The following ADGRB1 variants were observed in gnomAD, a reference collection of about 807,000 sequenced individuals.
The protein encoded by ADGRB1 is adhesion G protein-coupled receptor B1.
A neutral mutation model predicts 175.7 loss-of-function variants in ADGRB1; 36 were observed. The observed-to-expected ratio is 0.20, with a 90% CI of 0.16 to 0.27. ADGRB1 has a LOEUF of 0.27. Ranked by LOEUF, ADGRB1 falls within the 10% of genes least tolerant of loss-of-function variation. The pLI is 1.00. For missense variants in ADGRB1, 1,731 were observed against 2,255.3 expected (o/e 0.77, Z 4.71); for synonymous variants, 1,054 against 979.4 (o/e 1.08, Z -1.42).
rs1197426358 is a variant in ADGRB1, at chr8:142,514,083, G to A, written c.2817+3010G>A. Reference sequence around the variant, plus strand: ...GAGCCTGGCTGGGCAGGGAGAGAGAGGGGTGCTGCCTAGCTTAGCCTGGCT... The same window carrying A: ...GAGCCTGGCTGGGCAGGGAGAGAGAAGGGTGCTGCCTAGCTTAGCCTGGCT... On this transcript the variant is annotated intron_variant, in intron 18 of 30. Transcript: ENST00000517894. Among the ~76,000 whole-genome samples the A allele has an allele frequency of 3.3e-5, 5 of 152,070 alleles. No individual in the cohort carries two copies. In the East Asian group the frequency reaches 7.7e-4, roughly 23 times the overall value.
In ADGRB1 at chr8:142,543,760, C is replaced by G. The variant is rs1450968245; in HGVS notation, c.4557+52C>G. ...GGGGAGAGCCCTTAGGTCAGGCCAC[C>G]GTCTCCCTTCTTCCCTGGATTTGTG... On this transcript the variant is annotated intron_variant, in intron 30 of 30. Coordinates refer to ENST00000517894, the MANE Select transcript of ADGRB1 (RefSeq NM_001702.3). This position sits in a 1 kb window ranked among gnomAD's most constrained non-coding sequence, Gnocchi z 4.4. 2 of 1,462,568 alleles carry G rather than the reference C, an allele frequency of 1.4e-6. No homozygotes were observed. Among genetic ancestry groups the G allele is most frequent in the Middle Eastern group, 3.6e-4 (2 of 5,584 alleles). 90.6% of individuals were successfully genotyped at this position (1,462,568 alleles called of 1,614,324 possible).
At chr8:142,472,126 AC>A (rs1202346618) in intron 2 of ADGRB1, among the ~76,000 whole-genome samples, 1 of 152,210 alleles carries the variant, frequency 6.6e-6, no homozygotes, top group Non-Finnish European at 1.5e-5. Context: ...CCTCCAGAGA[AC>A]AGCCCGGAAG....
At chr8:142,507,846 G>T (rs911947295) in intron 17 of ADGRB1, among the ~76,000 whole-genome samples, 1 of 152,182 alleles carries the variant, frequency 6.6e-6, no homozygotes, top group Non-Finnish European at 1.5e-5. Flanking sequence ...ACAGGGAAAA[G>T]CGGTCTGCAG....
At position 142,542,613 on chromosome 8, in the gene ADGRB1, A is replaced by C. The variant is rs1845346319; in HGVS notation, c.4379A>C (p.Glu1460Ala). Residue 1460 changes from glutamate to alanine, a missense_variant, in exon 28 of 31, where the codon GAG (glutamate) becomes GCG (alanine). By Grantham distance (107) the Glu-to-Ala change is moderately radical (BLOSUM62 -1). This residue lies in a region of ADGRB1 where 394 missense variants were observed against 410.2 expected (regional missense o/e 0.96). Transcript: ENST00000517894. This position sits in a 1 kb window ranked among gnomAD's most constrained non-coding sequence, Gnocchi z 6.3. ...GPSTGPSTKN[E>A]NVATLSVSSL... ...AGCACGGGGCCCAGCACCAAGAACG[A>C]GAATGTCGCCACCTTGTCTGTGAGC... 6.4e-7 allele frequency: 1 copy of C among 1,551,474 alleles called. No individual in the cohort carries two copies. The highest frequency in any genetic ancestry group is 1.9e-5 in the Admixed American group (1 of 51,650).
At position 142,526,581 on chromosome 8, in the gene ADGRB1, G is replaced by A. The variant is rs781741541; in HGVS notation, c.3352G>A (p.Val1118Met). ...VIGILVFNKL[V>M]SKDGITDKKL... Reference sequence around the variant, plus strand: ...TGGGATCCTGGTGTTCAACAAGCTCGTGTCCAAAGACGGCATCACGGACAA... The same window carrying A: ...TGGGATCCTGGTGTTCAACAAGCTCATGTCCAAAGACGGCATCACGGACAA... The change falls in exon 24 of 31, where the codon GTG (valine) becomes ATG (methionine). Residue 1118 changes from valine (V) to methionine (M), a missense_variant. Coordinates refer to ENST00000517894, the MANE Select transcript of ADGRB1 (RefSeq NM_001702.3). 9 of 1,597,170 alleles carry A rather than the reference G, an allele frequency of 5.6e-6. No homozygotes were observed. Among genetic ancestry groups the A allele is most frequent in the South Asian group, 1.1e-5 (1 of 90,304 alleles).
At chr8:142,519,920 TGTG>T (rs1230218404) in intron 19 of ADGRB1, among the ~76,000 whole-genome samples, 19 of 131,932 alleles carry the variant, frequency 1.4e-4, no homozygotes, top group East Asian at 1.3e-3. Context: ...TGCTGGTGAT[TGTG>T]GTGGTGGTGG....
intron 18 of ADGRB1, among the ~76,000 whole-genome samples, chr8:142,512,769 C>A (rs1843173301): frequency 6.6e-6 from 1 of 152,218 alleles, no homozygotes; most frequent in Non-Finnish European, 1.5e-5. Context: ...GGTGGCATAC[C>A]AGCCAGTCAC....
rs766099989 is a variant in ADGRB1 at position 142,522,000 on chromosome 8, C to T, written c.3060C>T (p.Phe1020=). 12 of 1,608,782 alleles carry T rather than the reference C, an allele frequency of 7.5e-6. No individual in the cohort carries two copies. The highest frequency in any genetic ancestry group is 1.0e-5 in the Non-Finnish European group (12 of 1,178,132). The part of the protein sequence containing the change: ...VCTLVAAFLH[F]FFLSSFCWVL... ...CGCTGGTGGCCGCCTTCCTGCACTT[C>T]TTCTTCCTGTCCTCCTTCTGCTGGG... is the stretch of plus-strand genomic sequence containing the variant. The change falls in exon 21 of 31, where the codon TTC becomes TTT. Residue 1020 remains phenylalanine, a synonymous_variant. Transcript: ENST00000517894.
At chr8:142,497,024 C>G (rs1842248046) in intron 17 of ADGRB1, among the ~76,000 whole-genome samples, 2 of 152,244 alleles carry the variant, frequency 1.3e-5, no homozygotes, top group Admixed American at 6.5e-5. Flanking sequence ...TTGCTGGACT[C>G]CTTTCCTGAA....
At chr8:142,522,856 GC>G (rs1156739531) in intron 22 of ADGRB1, 146 bp downstream of exon 22, 30 of 939,064 alleles carry the variant, frequency 3.2e-5, no homozygotes, top group Non-Finnish European at 4.1e-5. Flanking sequence ...GGCCCCAGGG[GC>G]TGGAGGCTGA....
At chr8:142,491,886 CAG>C (rs981196636) in intron 17 of ADGRB1, among the ~76,000 whole-genome samples, 4 of 152,156 alleles carry the variant, frequency 2.6e-5, no homozygotes, top group Admixed American at 2.6e-4. Flanking sequence ...GGCTGCCTGA[CAG>C]GGAGAGGGAG....
rs1842595884 is a variant in ADGRB1 at position 142,502,068 on chromosome 8, A to T, written c.2676-8864A>T. On this transcript the variant is annotated intron_variant, in intron 17 of 30. Transcript: ENST00000517894. ...GGTGATGGTGGTCGGGGTGGGGGTGATGATGGGGTTGTGGTAGTAATGGTT... is the reference window on the plus strand; with the variant it reads ...GGTGATGGTGGTCGGGGTGGGGGTGTTGATGGGGTTGTGGTAGTAATGGTT... Among the ~76,000 whole-genome samples the T allele has an allele frequency of 5.3e-5, 3 of 56,140 alleles. No individual in the cohort carries two copies. In the South Asian group the frequency reaches 1.9e-3, roughly 36 times the overall value. The allele number at this position is 56,140 out of a possible 152,430, so 36.8% of individuals were successfully genotyped here.
rs1845355489 is a variant in ADGRB1, at chr8:142,542,726, A to AC, written c.4413+84dup. ...AGCTGGGTCACCCCTGCTGGGTGGG[A>AC]CCCCCACGCCGTCAGCGGGGCGGGC... On this transcript the variant is annotated intron_variant, in intron 28 of 30. Transcript: ENST00000517894. This position sits in a 1 kb window ranked among gnomAD's most constrained non-coding sequence, Gnocchi z 6.3. 7.6e-7 allele frequency: 1 copy of AC among 1,322,048 alleles called. No homozygotes were observed. The highest frequency in any genetic ancestry group is 2.9e-5 in the East Asian group (1 of 34,876). The allele number at this position is 1,322,048 out of a possible 1,614,324, so 81.9% of individuals were successfully genotyped here.
chr8:142,474,703 A>G lies in ADGRB1; in HGVS notation c.785-771A>G, dbSNP rs1840852689. Among the ~76,000 whole-genome samples, 2 of 152,124 alleles carry G rather than the reference A, an allele frequency of 1.3e-5. No homozygotes were observed. Among genetic ancestry groups the G allele is most frequent in the Non-Finnish European group, 2.9e-5 (2 of 67,998 alleles). On this transcript the variant is annotated intron_variant, in intron 2 of 30. Coordinates refer to ENST00000517894, the MANE Select transcript of ADGRB1 (RefSeq NM_001702.3). The surrounding 1 kb of genome is among the most constrained non-coding windows in gnomAD (Gnocchi z 5.8). The stretch of plus-strand genomic sequence containing the variant: ...GAGGTCTGGTTTGCTAGGGGAACAC[A>G]GGTCCATGAAGGCCGCGGGGACTGT...
Position 142,533,238 on chromosome 8 carries a change from CA to C in ADGRB1, c.3399-56del, listed in dbSNP as rs1438606971. 1.6e-5 allele frequency: 23 copies of C among 1,441,284 alleles called. No homozygotes were observed. In the Admixed American group the frequency reaches 4.8e-4, roughly 30 times the overall value. The allele number at this position is 1,441,284 out of a possible 1,614,324, so 89.3% of individuals were successfully genotyped here. A position where few individuals can be genotyped will look rare whatever the true frequency, so the allele number is the denominator to read the frequency against. On this transcript the variant is annotated intron_variant, in intron 24 of 30. Coordinates refer to ENST00000517894, the MANE Select transcript of ADGRB1 (RefSeq NM_001702.3). Reference sequence around the variant, plus strand: ...AGGCCTGGAGATGCAGGGTTCAGGGCAGGGTGTCCCTGGGGGCAGGGGCGGG... The same window carrying C: ...AGGCCTGGAGATGCAGGGTTCAGGGCGGGTGTCCCTGGGGGCAGGGGCGGG...
At position 142,464,618 on chromosome 8, in the gene ADGRB1, G is replaced by A; in HGVS notation, c.420G>A (p.Lys140=). ...SAPLAFLQAS[K]QFLQMRRQQP... ...CCCTGGCCTTCCTGCAGGCCAGCAA[G>A]CAGTTCCTGCAGATGCGGCGCCAGC... Residue 140 remains lysine, a synonymous_variant, in exon 2 of 31, where the codon AAG becomes AAA. Coordinates refer to ENST00000517894, the MANE Select transcript of ADGRB1 (RefSeq NM_001702.3). The A allele has an allele frequency of 6.6e-7, 1 of 1,521,846 alleles. No homozygotes were observed. Among genetic ancestry groups the A allele is most frequent in the Non-Finnish European group, 8.8e-7 (1 of 1,138,590 alleles). 94.3% of individuals were successfully genotyped at this position (1,521,846 alleles called of 1,614,324 possible). A position where few individuals can be genotyped will look rare whatever the true frequency, so the allele number is the denominator to read the frequency against.
chr8:142,497,738 T>C (rs1244677819), intron 17 of ADGRB1, among the ~76,000 whole-genome samples: 2 of 152,210 alleles, frequency 1.3e-5, no homozygotes, highest in South Asian at 2.1e-4. Flanking sequence ...GGTACCCCTT[T>C]CTCTGAATGT....
chr8:142,461,852 G>A (rs574399565), intron 1 of ADGRB1, among the ~76,000 whole-genome samples: 1 of 152,264 alleles, frequency 6.6e-6, no homozygotes, highest in Admixed American at 6.5e-5. Flanking sequence ...AGGAGTCAAG[G>A]CCACGTGGGT....
At chr8:142,517,666 C>T (rs1843523181) in intron 18 of ADGRB1, among the ~76,000 whole-genome samples, 1 of 152,014 alleles carries the variant, frequency 6.6e-6, no homozygotes, top group African/African-American at 2.4e-5. Flanking sequence ...TGTGGGGTGT[C>T]AGGGCCTGGC....
Sources: gnomAD v4.1 joint callset for allele counts (sites outside exome capture counted in the v4.1 genomes callset) on GRCh38, gnomAD v4.1.1 for gene constraint, gnomAD v4.1.1 regional missense constraint, Gnocchi (gnomAD v3.1) non-coding constraint, MANE v1.5 for transcripts, NCBI Gene and HGNC (gene_info 2026-07-23, HGNC 2026-07-21) for gene names.